Variants in XPR1 observed in about 807,000 individuals in gnomAD.
The protein encoded by XPR1 is xenotropic and polytropic retrovirus receptor 1, also known as solute carrier family 53 member 1.
Under a neutral mutation model 87.5 loss-of-function variants are expected in XPR1, and 28 were observed. The observed-to-expected ratio is 0.32, with a 90% confidence interval of 0.24 to 0.44. The LOEUF (loss-of-function observed/expected upper bound fraction) is 0.44. Among genes scored for constraint, XPR1 ranks in the 20% least tolerant of loss-of-function variants. The probability of loss-of-function intolerance (pLI) is 1.00; values close to 1 mark genes in which losing one functional copy is unlikely to be tolerated. For synonymous variants in XPR1, 300 were observed against 306.1 expected, an observed-to-expected ratio of 0.98 and a Z score of 0.21; for missense variants, 559 against 862.3, an observed-to-expected ratio of 0.65 and a Z score of 4.41.
At position 180,824,821 on chromosome 1, in the gene XPR1, C is replaced by T; in HGVS notation, c.832C>T (p.Leu278=). The change falls in exon 8 of 15, where the codon CTG becomes TTG. Residue 278 remains leucine (L), a synonymous_variant. Transcript: ENST00000367590. ...LIRIYRGGFL[L]IEFLFLLGIN... ...AAGAATCTATCGGGGTGGCTTTCTT[C>T]TGATTGAATTCCTTTTTCTACTGGG... The T allele has an allele frequency of 1.2e-6, 2 of 1,614,022 alleles. No homozygotes were observed. Among genetic ancestry groups the T allele is most frequent in the Non-Finnish European group, 1.7e-6 (2 of 1,179,980 alleles).
chr1:180,682,463 A>G (rs771428379), intron 2 of XPR1, 52 bp downstream of exon 2: 104 of 1,509,746 alleles, frequency 6.9e-5, no homozygotes, highest in Middle Eastern at 3.5e-4. Flanking sequence ...TTTTTAAGGA[A>G]AGATATTTTG....
intron 1 of XPR1, among the ~76,000 whole-genome samples, chr1:180,664,260 G>A (rs1655884409): frequency 6.6e-6 from 1 of 152,180 alleles, no homozygotes; most frequent in South Asian, 2.1e-4. Flanking sequence ...CGTGAAGCCA[G>A]CATGTCTCAG....
At chr1:180,847,812 T>G (rs1651734643) in intron 11 of XPR1, among the ~76,000 whole-genome samples, 2 of 152,180 alleles carry the variant, frequency 1.3e-5, no homozygotes, top group African/African-American at 4.8e-5. Flanking sequence ...AATTATGGAC[T>G]AAGAACTATT....
rs1053966219 is a variant in XPR1 at position 180,884,799 on chromosome 1, G to A, written c.*733G>A. 2 of 152,616 alleles carry A rather than the reference G, an allele frequency of 1.3e-5. No homozygotes were observed. The highest frequency in any genetic ancestry group is 2.9e-5 in the Non-Finnish European group (2 of 68,030). 9.5% of individuals were successfully genotyped at this position (152,616 alleles called of 1,614,324 possible). A position where few individuals can be genotyped will look rare whatever the true frequency, so the allele number is the denominator to read the frequency against. ...CGTTGGATGACATTTATGAGGGTCAGTCCCACATACCTCTTTCAGGAGACA... is the reference window on the plus strand; with the variant it reads ...CGTTGGATGACATTTATGAGGGTCAATCCCACATACCTCTTTCAGGAGACA... On this transcript the variant is annotated 3_prime_UTR_variant, in exon 15 of 15. Coordinates refer to ENST00000367590, the MANE Select transcript of XPR1 (RefSeq NM_004736.4).
At chr1:180,678,950 C>A (rs1421587892) in intron 1 of XPR1, among the ~76,000 whole-genome samples, 1 of 151,944 alleles carries the variant, frequency 6.6e-6, no homozygotes, top group Admixed American at 6.6e-5. Context: ...AATCCCAGCA[C>A]TTTAGGAGGC....
intron 2 of XPR1, among the ~76,000 whole-genome samples, chr1:180,785,894 A>G (rs1018683039): frequency 6.6e-6 from 1 of 151,634 alleles, no homozygotes; most frequent in African/African-American, 2.4e-5. Context: ...GTTAGTTATT[A>G]TAAGAGCTGC....
At chr1:180,770,270 A>G (rs1648461446) in intron 2 of XPR1, among the ~76,000 whole-genome samples, 1 of 152,184 alleles carries the variant, frequency 6.6e-6, no homozygotes, top group Non-Finnish European at 1.5e-5. Flanking sequence ...TAAACAGCAG[A>G]CAGTTATTTT....
chr1:180,678,901 T>C (rs995036212), intron 1 of XPR1, among the ~76,000 whole-genome samples: 7 of 152,118 alleles, frequency 4.6e-5, no homozygotes, highest in Non-Finnish European at 8.8e-5. Flanking sequence ...TGCTTGAATA[T>C]TTGTGCTGGT....
chr1:180,830,965 C>T (rs1049537599), intron 9 of XPR1, among the ~76,000 whole-genome samples: 50 of 115,018 alleles, frequency 4.3e-4, no homozygotes, highest in Non-Finnish European at 6.6e-4. Context: ...TTAATGCTTG[C>T]ATAAAGCCTT....
intron 11 of XPR1, among the ~76,000 whole-genome samples, chr1:180,852,294 T>C (rs550315705): frequency 5.0e-4 from 76 of 152,122 alleles, no homozygotes; most frequent in Non-Finnish European, 1.0e-3. Context: ...ATATACCCTT[T>C]GCATAGTTTC....
intron 7 of XPR1, among the ~76,000 whole-genome samples, chr1:180,815,805 G>A (rs1650386933): frequency 6.6e-6 from 1 of 152,046 alleles, no homozygotes; most frequent in Admixed American, 6.6e-5. Context: ...GTACACTAGT[G>A]GTAAGAGTAC....
chr1:180,671,212 A>T (rs1656157575), intron 1 of XPR1, among the ~76,000 whole-genome samples: 1 of 152,172 alleles, frequency 6.6e-6, no homozygotes, highest in South Asian at 2.1e-4. Context: ...GGCCCTGAGG[A>T]AATCTTTGCA....
chr1:180,743,214 C>CT lies in XPR1; in HGVS notation c.122-44529dup, dbSNP rs545224438. On this transcript the variant is annotated intron_variant, in intron 2 of 14. Coordinates refer to ENST00000367590, the MANE Select transcript of XPR1 (RefSeq NM_004736.4). ...TCCATATGTTTTCTGTTCATTTTCC[C>CT]TTTTTTTTTTGGGGGGGGAGTATTT... Among the ~76,000 whole-genome samples, 531 of 131,406 alleles carry CT rather than the reference C, an allele frequency of 4.0e-3. 3 individuals carry two copies. Among genetic ancestry groups the CT allele is most frequent in the African/African-American group, 0.014 (470 of 33,266 alleles). 86.2% of individuals were successfully genotyped at this position (131,406 alleles called of 152,430 possible). A position where few individuals can be genotyped will look rare whatever the true frequency, so the allele number is the denominator to read the frequency against.
At chr1:180,858,329 C>T (rs1652102228) in intron 11 of XPR1, among the ~76,000 whole-genome samples, 1 of 152,202 alleles carries the variant, frequency 6.6e-6, no homozygotes, top group Non-Finnish European at 1.5e-5. Flanking sequence ...AATCTTACTT[C>T]CCTCATCTGA....
rs78573076 is a variant in XPR1, at chr1:180,880,004, A to C, written c.1809-72A>C. The C allele has an allele frequency of 9.5e-3, 14,313 of 1,512,320 alleles. 1,117 individuals are homozygous for C. The African/African-American group carries it at 0.17, about 18-fold the overall frequency. 93.7% of individuals were successfully genotyped at this position (1,512,320 alleles called of 1,614,324 possible). A position where few individuals can be genotyped will look rare whatever the true frequency, so the allele number is the denominator to read the frequency against. Reference sequence around the variant, plus strand: ...GTTTCCATGAGTGGAAACTTGATACACTGGGAGGTTTACAGGTAGCAGAAG... The same window carrying C: ...GTTTCCATGAGTGGAAACTTGATACCCTGGGAGGTTTACAGGTAGCAGAAG... On this transcript the variant is annotated intron_variant, in intron 13 of 14. Transcript: ENST00000367590.
At chr1:180,739,850 C>T (rs1406823375) in intron 2 of XPR1, among the ~76,000 whole-genome samples, 1 of 151,984 alleles carries the variant, frequency 6.6e-6, no homozygotes, top group African/African-American at 2.4e-5. Context: ...AAGCGATTCT[C>T]CCATCTTAGC....
chr1:180,676,355 G>A (rs1403461261), intron 1 of XPR1, among the ~76,000 whole-genome samples: 3 of 152,140 alleles, frequency 2.0e-5, no homozygotes, highest in African/African-American at 7.2e-5. Flanking sequence ...AGAAGTGGAA[G>A]AACTTCATTC....
At chr1:180,664,869 G>A (rs1384101159) in intron 1 of XPR1, among the ~76,000 whole-genome samples, 1 of 152,164 alleles carries the variant, frequency 6.6e-6, no homozygotes, top group Non-Finnish European at 1.5e-5. Flanking sequence ...AGGCATTAGA[G>A]TCTCACAAGG....
intron 2 of XPR1, among the ~76,000 whole-genome samples, chr1:180,694,197 C>T (rs1189075998): frequency 1.3e-5 from 2 of 152,124 alleles, no homozygotes; most frequent in Non-Finnish European, 2.9e-5. Context: ...TGGGGTCAAG[C>T]GATCCTCTTG....
Sources: gnomAD v4.1 joint callset for allele counts (sites outside exome capture counted in the v4.1 genomes callset) on GRCh38, gnomAD v4.1.1 for gene constraint, MANE v1.5 for transcripts, NCBI Gene and HGNC (gene_info 2026-07-23, HGNC 2026-07-21) for gene names.